ACTR3C: variants seen among roughly 807,000 people sequenced by gnomAD.
ACTR3C encodes the protein actin related protein 3C, also known as actin-related protein 3C.
In ACTR3C, 18 loss-of-function variants were observed where a neutral mutation model predicts 26.3. The observed-to-expected ratio is 0.68, with a 90% CI of 0.47 to 1.01. ACTR3C has a LOEUF of 1.01. Ranked by LOEUF, ACTR3C falls within the 50% of genes least tolerant of loss-of-function variation. The probability of loss-of-function intolerance (pLI) is 0.00; values close to 1 mark genes in which losing one functional copy is unlikely to be tolerated. For missense variants in ACTR3C, 184 were observed against 250.7 expected (o/e 0.73, Z 1.80); for synonymous variants, 55 against 94.5 (o/e 0.58, Z 2.42).
chr7:150,208,905 A>G, the ACTR3C span, among the ~76,000 whole-genome samples: 4 of 152,128 alleles, frequency 2.6e-5, no homozygotes, highest in South Asian at 2.1e-4. Context: ...GCTGAATTCC[A>G]TATGTGCAAA....
chr7:150,197,848 C>CTCTCCCCTCTCCCG, the ACTR3C span, among the ~76,000 whole-genome samples: 1 of 109,076 alleles, frequency 9.2e-6, no homozygotes, highest in Admixed American at 8.2e-5. Context: ...AACATAGTCC[C>CTCTCCCCTCTCCCG]TCTCCCCTCT....
chr7:150,145,210 C>T, the ACTR3C span, among the ~76,000 whole-genome samples: 5 of 152,056 alleles, frequency 3.3e-5, no homozygotes, highest in African/African-American at 1.2e-4. Context: ...GAGGAAATGG[C>T]AAACCTGTGA....
the ACTR3C span, among the ~76,000 whole-genome samples, chr7:149,962,638 A>G: frequency 6.6e-6 from 1 of 152,148 alleles, no homozygotes; most frequent in African/African-American, 2.4e-5. Context: ...ATGTCAGGGC[A>G]ATGGGATCAG....
At chr7:150,048,013 G>A in the ACTR3C span, among the ~76,000 whole-genome samples, 2 of 152,026 alleles carry the variant, frequency 1.3e-5, no homozygotes, top group African/African-American at 4.8e-5. Flanking sequence ...CCTCCCGCGC[G>A]CCACTCGCGA....
At chr7:150,206,592 T>G in the ACTR3C span, among the ~76,000 whole-genome samples, 14 of 152,078 alleles carry the variant, frequency 9.2e-5, no homozygotes, top group African/African-American at 3.4e-4. Flanking sequence ...TTTTTTTTTT[T>G]TGTATTTTTA....
At chr7:150,133,667 C>T in the ACTR3C span, among the ~76,000 whole-genome samples, 3 of 152,132 alleles carry the variant, frequency 2.0e-5, no homozygotes, top group African/African-American at 7.2e-5. Flanking sequence ...TCTAACATTT[C>T]CCCTCACCTT....
the ACTR3C span, among the ~76,000 whole-genome samples, chr7:150,235,493 C>T: frequency 4.6e-5 from 7 of 152,268 alleles, no homozygotes; most frequent in South Asian, 4.2e-4. Context: ...CTGAAACAAA[C>T]GCAGACCACC....
intron 1 of ACTR3C, among the ~76,000 whole-genome samples, chr7:150,318,206 T>A (rs1335187578): frequency 6.6e-6 from 1 of 152,170 alleles, no homozygotes; most frequent in Non-Finnish European, 1.5e-5. Flanking sequence ...TGGATAATGT[T>A]CTTGTTTTGT....
At chr7:149,917,254 T>G in the ACTR3C span, among the ~76,000 whole-genome samples, 41 of 152,296 alleles carry the variant, frequency 2.7e-4, 1 homozygote, top group Middle Eastern at 0.014. Flanking sequence ...TTTGTATTTC[T>G]AGTAGAGACA....
At chr7:149,995,488 G>T in the ACTR3C span, among the ~76,000 whole-genome samples, 7 of 152,250 alleles carry the variant, frequency 4.6e-5, no homozygotes, top group African/African-American at 1.4e-4. Context: ...CTGGATACTC[G>T]CACAGTAAAT....
At chr7:150,173,541 G>C in the ACTR3C span, among the ~76,000 whole-genome samples, 1 of 149,344 alleles carries the variant, frequency 6.7e-6, no homozygotes, top group Non-Finnish European at 1.5e-5. Flanking sequence ...GACCTGTGAT[G>C]AGAGGGGCTA....
chr7:150,093,098 A>G, the ACTR3C span, among the ~76,000 whole-genome samples: 437 of 151,544 alleles, frequency 2.9e-3, 2 homozygotes, highest in Middle Eastern at 0.01. Flanking sequence ...TTGCGGCCTC[A>G]TCTAAAATGG....
At chr7:150,135,524 C>T in the ACTR3C span, among the ~76,000 whole-genome samples, 1 of 152,072 alleles carries the variant, frequency 6.6e-6, no homozygotes, top group Non-Finnish European at 1.5e-5. Context: ...TGCAGAGACA[C>T]CATAATATTA....
chr7:150,042,177 C>T, the ACTR3C span, among the ~76,000 whole-genome samples: 4 of 15,558 alleles, frequency 2.6e-4, no homozygotes, highest in African/African-American at 1.5e-3. Flanking sequence ...CCCTGCCTCG[C>T]GGGGGGTGCC....
the ACTR3C span, among the ~76,000 whole-genome samples, chr7:150,219,392 A>G: frequency 0.034 from 4,884 of 142,992 alleles, 396 homozygotes; most frequent in African/African-American, 0.14. Context: ...TTCGGTTTAA[A>G]AAAATATATA....
the ACTR3C span, among the ~76,000 whole-genome samples, chr7:149,889,515 T>C: frequency 6.6e-6 from 1 of 152,106 alleles, no homozygotes; most frequent in Non-Finnish European, 1.5e-5. Flanking sequence ...GAGAGGCCAG[T>C]CAGTAGGTGA....
chr7:149,911,654 G>A, the ACTR3C span, among the ~76,000 whole-genome samples: 3 of 146,532 alleles, frequency 2.0e-5, no homozygotes, highest in Non-Finnish European at 3.0e-5. Flanking sequence ...AGTGGCCTAT[G>A]TGTAATGGGT....
chr7:149,986,858 G>GA, the ACTR3C span, among the ~76,000 whole-genome samples: 4 of 142,126 alleles, frequency 2.8e-5, no homozygotes, highest in Non-Finnish European at 3.1e-5. Flanking sequence ...TCCAGTCAAT[G>GA]AAAAAATCTA....
the ACTR3C span, among the ~76,000 whole-genome samples, chr7:149,967,825 G>A: frequency 6.6e-6 from 1 of 152,012 alleles, no homozygotes; most frequent in Non-Finnish European, 1.5e-5. Context: ...CCATAAAGTT[G>A]GAGAACTTCT....
Sources: gnomAD v4.1 joint callset for allele counts (sites outside exome capture counted in the v4.1 genomes callset) on GRCh38, gnomAD v4.1.1 for gene constraint, MANE v1.5 for transcripts, NCBI Gene and HGNC (gene_info 2026-07-23, HGNC 2026-07-21) for gene names.